Variants in CALCRL observed in about 807,000 individuals in gnomAD.
The protein encoded by CALCRL is calcitonin gene-related peptide type 1 receptor.
Under a neutral mutation model 60.4 loss-of-function variants are expected in CALCRL, and 27 were observed. The observed-to-expected ratio is 0.45, with a 90% CI of 0.33 to 0.62. CALCRL has a LOEUF of 0.62. CALCRL is among the 20% of genes least tolerant of loss of function. The pLI, the probability that CALCRL is intolerant of heterozygous loss-of-function variation, is 0.03. For missense variants in CALCRL, 424 were observed against 540.7 expected, an observed-to-expected ratio of 0.78 and a Z score of 2.14; for synonymous variants, 190 against 182.6, an observed-to-expected ratio of 1.04 and a Z score of -0.33.
chr2:187,410,953 G>A (rs1689330282), intron 1 of CALCRL, among the ~76,000 whole-genome samples: 1 of 151,974 alleles, frequency 6.6e-6, no homozygotes, highest in Non-Finnish European at 1.5e-5. Flanking sequence ...TTTATCTAGT[G>A]CATTATCCTT....
chr2:187,400,816 C>T (rs10931288), intron 1 of CALCRL, among the ~76,000 whole-genome samples: 105,985 of 151,158 alleles, frequency 0.7, 37,355 homozygotes, highest in East Asian at 0.87. Flanking sequence ...CCCATTTATA[C>T]GAAATATCCA....
chr2:187,351,726 C>T (rs1245574998), intron 14 of CALCRL, among the ~76,000 whole-genome samples, 194 bp downstream of exon 14: 1 of 151,788 alleles, frequency 6.6e-6, no homozygotes, highest in Non-Finnish European at 1.5e-5. Flanking sequence ...TGGCTTTGAA[C>T]TCCAATATGA....
At chr2:187,373,742 A>G (rs1270856241) in intron 8 of CALCRL, among the ~76,000 whole-genome samples, 1 of 152,218 alleles carries the variant, frequency 6.6e-6, no homozygotes, top group Non-Finnish European at 1.5e-5. Flanking sequence ...TCTATGATGT[A>G]GATACTAATA....
At chr2:187,375,106 A>C (rs1412822278) in intron 8 of CALCRL, among the ~76,000 whole-genome samples, 1 of 151,090 alleles carries the variant, frequency 6.6e-6, no homozygotes, top group Non-Finnish European at 1.5e-5. Context: ...CCCCGTCTCT[A>C]CTAAAAATAC....
chr2:187,428,607 T>C (rs1016622052), intron 1 of CALCRL: 7 of 152,114 alleles, frequency 4.6e-5, no homozygotes, highest in African/African-American at 1.7e-4. Context: ...CAAAATACTA[T>C]AAGCAGCCAG....
At chr2:187,426,239 A>ATTTTTTTTTTTTTTTTTTTTT (rs200787283) in intron 1 of CALCRL, among the ~76,000 whole-genome samples, 1 of 127,432 alleles carries the variant, frequency 7.8e-6, no homozygotes, top group African/African-American at 2.7e-5. Flanking sequence ...TCTGTCATTT[A>ATTTTTTTTTTTTTTTTTTTTT]TTATTTTTTT....
chr2:187,400,053 A>T (rs1688822282), intron 1 of CALCRL, among the ~76,000 whole-genome samples: 1 of 151,432 alleles, frequency 6.6e-6, no homozygotes, highest in African/African-American at 2.4e-5. Flanking sequence ...AATACAGTTA[A>T]AAATAATTTA....
intron 1 of CALCRL, among the ~76,000 whole-genome samples, chr2:187,397,297 G>A (rs905256157): frequency 1.3e-5 from 2 of 151,342 alleles, no homozygotes; most frequent in Non-Finnish European, 3.0e-5. Flanking sequence ...TAATGTGGTT[G>A]TTTTTTATTC....
At chr2:187,427,486 A>G (rs933460015) in intron 1 of CALCRL, among the ~76,000 whole-genome samples, 1 of 152,182 alleles carries the variant, frequency 6.6e-6, no homozygotes, top group Non-Finnish European at 1.5e-5. Context: ...AGAAAAAATG[A>G]TAAGTAAAGA....
intron 1 of CALCRL, among the ~76,000 whole-genome samples, chr2:187,429,068 C>T (rs1263912176): frequency 6.6e-6 from 1 of 151,876 alleles, no homozygotes; most frequent in Non-Finnish European, 1.5e-5. Context: ...AATATCTTTA[C>T]TATTTTGGAG....
intron 1 of CALCRL, among the ~76,000 whole-genome samples, chr2:187,388,742 ATTATT>A (rs1376195937): frequency 6.6e-6 from 1 of 152,098 alleles, no homozygotes; most frequent in African/African-American, 2.4e-5. Flanking sequence ...TTTTAAATTG[ATTATT>A]TTAAACAATA....
chr2:187,395,531 G>T (rs1034078891), intron 1 of CALCRL, among the ~76,000 whole-genome samples: 1 of 152,022 alleles, frequency 6.6e-6, no homozygotes, highest in Non-Finnish European at 1.5e-5. Context: ...TAAAAAATGC[G>T]TTTTAAATGA....
intron 8 of CALCRL, 148 bp from the exon 9 acceptor site, chr2:187,363,650 T>C (rs1559043556): frequency 6.0e-6 from 5 of 827,794 alleles, no homozygotes; most frequent in Middle Eastern, 8.0e-4. Context: ...ATTACAAAAA[T>C]CTTAATTAGG....
rs542588204 is a variant in CALCRL, at chr2:187,344,567, A to G, written c.*1617T>C. Reference sequence around the variant, plus strand: ...CTGAATCCCATGCAAATTTCACTTTAATTCATTAGCAAGGTTTTCTTCTAT... The same window carrying G: ...CTGAATCCCATGCAAATTTCACTTTGATTCATTAGCAAGGTTTTCTTCTAT... On this transcript the variant is annotated 3_prime_UTR_variant, in exon 15 of 15. Coordinates refer to ENST00000392370, the MANE Select transcript of CALCRL (RefSeq NM_005795.6). 4.0e-5 allele frequency: 6 copies of G among 151,810 alleles called. No homozygotes were observed. The East Asian group carries it at 1.2e-3, about 29-fold the overall frequency. The allele number at this position is 151,810 out of a possible 1,614,324, so 9.4% of individuals were successfully genotyped here.
intron 8 of CALCRL, among the ~76,000 whole-genome samples, chr2:187,376,308 T>C (rs1687755296): frequency 6.6e-6 from 1 of 152,176 alleles, no homozygotes; most frequent in Admixed American, 6.5e-5. Flanking sequence ...TTCTCAATTA[T>C]AGTAATTTGG....
chr2:187,384,419 C>T (rs1013921891), intron 4 of CALCRL, among the ~76,000 whole-genome samples: 4 of 152,128 alleles, frequency 2.6e-5, no homozygotes, highest in African/African-American at 4.8e-5. Context: ...GATTTGTACA[C>T]GATCTTACAT....
chr2:187,406,151 C>G (rs529049178), intron 1 of CALCRL, among the ~76,000 whole-genome samples: 12 of 150,386 alleles, frequency 8.0e-5, no homozygotes, highest in African/African-American at 2.9e-4. Context: ...AACCACCATT[C>G]CCAACCAACA....
intron 1 of CALCRL, among the ~76,000 whole-genome samples, chr2:187,433,111 A>G (rs1363957217): frequency 6.6e-6 from 1 of 152,118 alleles, no homozygotes; most frequent in Non-Finnish European, 1.5e-5. Context: ...TCTAAAAGCT[A>G]TTTCAGAAAA....
chr2:187,367,084 T>G (rs1559045320), intron 8 of CALCRL, among the ~76,000 whole-genome samples: 2 of 152,140 alleles, frequency 1.3e-5, no homozygotes, highest in Non-Finnish European at 1.5e-5. Flanking sequence ...TGAAATTTAC[T>G]GAATGTTTAA....
Sources: allele counts gnomAD v4.1 joint callset (sites outside exome capture counted in the v4.1 genomes callset), GRCh38; gene constraint gnomAD v4.1.1; transcripts MANE v1.5; gene names NCBI Gene and HGNC (gene_info 2026-07-23, HGNC 2026-07-21).